LARGE1: variants seen among roughly 807,000 people sequenced by gnomAD.
LARGE1 encodes the protein LARGE xylosyl- and glucuronyltransferase 1.
Under a neutral mutation model 87.6 loss-of-function variants are expected in LARGE1, and 43 were observed. The observed-to-expected ratio is 0.49, with a 90% CI of 0.38 to 0.63. The LOEUF is 0.63. Ranked by LOEUF, LARGE1 falls within the 30% of genes least tolerant of loss-of-function variation. The probability of loss-of-function intolerance (pLI) is 0.00; values close to 1 mark genes in which losing one functional copy is unlikely to be tolerated. For synonymous variants in LARGE1, 434 were observed against 394.6 expected, an observed-to-expected ratio of 1.10 and a Z score of -1.18; for missense variants, 802 against 1,000.2, an observed-to-expected ratio of 0.80 and a Z score of 2.67.
intron 1 of LARGE1, among the ~76,000 whole-genome samples, chr22:33,847,209 G>A (rs769655997): frequency 4.6e-5 from 7 of 152,104 alleles, no homozygotes; most frequent in South Asian, 4.1e-4. Flanking sequence ...CGTGACTATC[G>A]GGGCAGGTTC....
exon 12 of LARGE1, chr22:33,162,611 A>T (rs976438158): frequency 2.6e-5 from 4 of 152,206 alleles, no homozygotes; most frequent in Non-Finnish European, 5.9e-5. Context: ...TTTGCTGGCA[A>T]GGAAGTTACT....
rs1390366479 is a variant in LARGE1, at chr22:33,479,947, G to C, written c.788-47682C>G. 2.6e-5 allele frequency among the ~76,000 whole-genome samples: 4 copies of C among 152,126 alleles called. No homozygotes were observed. In the East Asian group the frequency reaches 7.7e-4, roughly 29 times the overall value. On this transcript the variant is annotated intron_variant, in intron 6 of 14. Coordinates refer to ENST00000397394, the MANE Select transcript of LARGE1 (RefSeq NM_133642.5). ...TTTGGTAGAGATGGGGTTTCACCAT[G>C]TTGGCCAGGCTGGTCTCGAACTCCT... is the stretch of plus-strand genomic sequence containing the variant.
chr22:33,448,648 C>T (rs1174083796), intron 6 of LARGE1, among the ~76,000 whole-genome samples: 1 of 152,148 alleles, frequency 6.6e-6, no homozygotes, highest in African/African-American at 2.4e-5. Context: ...CCCCTCACAC[C>T]TGCTCTTCCC....
intron 9 of LARGE1, among the ~76,000 whole-genome samples, chr22:33,368,139 C>A (rs1486224927): frequency 6.6e-6 from 1 of 152,152 alleles, no homozygotes; most frequent in Non-Finnish European, 1.5e-5. Context: ...TCATTAGGTA[C>A]AAGGTTCCTT....
intron 1 of LARGE1, among the ~76,000 whole-genome samples, chr22:33,919,628 A>G (rs2065885814): frequency 6.6e-6 from 1 of 152,236 alleles, no homozygotes; most frequent in Non-Finnish European, 1.5e-5. Flanking sequence ...ACCGCCCAAC[A>G]GGGCCCTCTC....
intron 2 of LARGE1, among the ~76,000 whole-genome samples, chr22:33,759,869 C>G (rs1601547596): frequency 6.6e-6 from 1 of 152,272 alleles, no homozygotes; most frequent in African/African-American, 2.4e-5. Context: ...ATAATTGGCT[C>G]TATCTACCTG....
chr22:33,650,649 C>T lies in LARGE1; in HGVS notation c.126G>A (p.Leu42=), dbSNP rs749803496. 1 of 1,601,494 alleles carries T rather than the reference C, an allele frequency of 6.2e-7. No individual in the cohort carries two copies. The highest frequency in any genetic ancestry group is 8.5e-7 in the Non-Finnish European group (1 of 1,179,956). The change falls in exon 3 of 15, where the codon CTG becomes CTA. Residue 42 remains leucine (L), a synonymous_variant. Coordinates refer to ENST00000397394, the MANE Select transcript of LARGE1 (RefSeq NM_133642.5). ...TGTGTGCCTGGGACTCCAGCGGTGACAGAGACACGGGCTTTCCATCTGGGG... is the reference window on the plus strand; with the variant it reads ...TGTGTGCCTGGGACTCCAGCGGTGATAGAGACACGGGCTTTCCATCTGGGG... ...GSFEDGKPVS[L]SPLESQAHSP...
chr22:33,848,634 C>T (rs528389592), intron 1 of LARGE1, among the ~76,000 whole-genome samples: 1 of 152,316 alleles, frequency 6.6e-6, no homozygotes, highest in South Asian at 2.1e-4. Flanking sequence ...CACTGCCAGA[C>T]ACTGGGCCCA....
At chr22:33,576,855 T>A (rs954435732) in intron 5 of LARGE1, among the ~76,000 whole-genome samples, 9 of 152,182 alleles carry the variant, frequency 5.9e-5, no homozygotes, top group Non-Finnish European at 1.2e-4. Flanking sequence ...ATGGCTGTTA[T>A]ACAGTATTGT....
chr22:33,871,047 G>A (rs976942340), intron 1 of LARGE1, among the ~76,000 whole-genome samples: 1 of 152,200 alleles, frequency 6.6e-6, no homozygotes, highest in Non-Finnish European at 1.5e-5. Context: ...TGGTGACACA[G>A]CCCACATCCC....
Position 33,337,676 on chromosome 22 carries a change from G to A in LARGE1, c.1257C>T (p.Cys419=). 6.2e-7 allele frequency: 1 copy of A among 1,614,084 alleles called. No individual in the cohort carries two copies. Among genetic ancestry groups the A allele is most frequent in the South Asian group, 1.1e-5 (1 of 91,070 alleles). ...GNLLRRELFG[C]PSEADVNSEN... is the part of the protein sequence containing the mutation. ...CACTGTTGACATCAGCCTCACTGGG[G>A]CAGCCAAACAGTTCCCGCCTCAGAA... The change falls in exon 10 of 15, where the codon TGC becomes TGT. Residue 419 remains cysteine, a synonymous_variant. Coordinates refer to ENST00000397394, the MANE Select transcript of LARGE1 (RefSeq NM_133642.5).
chr22:33,802,348 T>A (rs1382229045), intron 1 of LARGE1, among the ~76,000 whole-genome samples: 1 of 152,186 alleles, frequency 6.6e-6, no homozygotes. Context: ...CCCTGCTGAA[T>A]GTTCCAGACT....
At chr22:33,506,177 G>A (rs368938516) in intron 6 of LARGE1, among the ~76,000 whole-genome samples, 28 of 152,050 alleles carry the variant, frequency 1.8e-4, no homozygotes, top group African/African-American at 6.3e-4. Flanking sequence ...AGGATGCCCT[G>A]AACATAGTAT....
chr22:33,845,213 A>C (rs2063394805), intron 1 of LARGE1, among the ~76,000 whole-genome samples: 1 of 152,224 alleles, frequency 6.6e-6, no homozygotes, highest in Non-Finnish European at 1.5e-5. Context: ...CTAGAAGTTC[A>C]TGGAATGATA....
intron 4 of LARGE1, among the ~76,000 whole-genome samples, chr22:33,609,302 C>T (rs78781723): frequency 0.011 from 1,739 of 152,286 alleles, 17 homozygotes; most frequent in South Asian, 0.027. Flanking sequence ...TTGGGAATGG[C>T]CCACTTCCCA....
At chr22:33,423,638 C>G (rs913400090) in intron 7 of LARGE1, among the ~76,000 whole-genome samples, 36 of 149,852 alleles carry the variant, frequency 2.4e-4, no homozygotes, top group African/African-American at 8.4e-4. Context: ...AGAGATTGCA[C>G]CACTGCCCTC....
intron 1 of LARGE1, among the ~76,000 whole-genome samples, chr22:33,858,954 C>T (rs1248239956): frequency 6.6e-6 from 1 of 151,894 alleles, no homozygotes; most frequent in African/African-American, 2.4e-5. Context: ...GAAAACCAAA[C>T]ACCGCATCTT....
intron 2 of LARGE1, among the ~76,000 whole-genome samples, chr22:33,651,223 T>TAAAAAAAAAAAAAAAAAAAAAAAAA (rs1371688457): frequency 5.8e-5 from 1 of 17,146 alleles, no homozygotes; most frequent in Non-Finnish European, 1.1e-4. Flanking sequence ...CTACTAAAAA[T>TAAAAAAAAAAAAAAAAAAAAAAAAA]ACAAAAAAAA....
At chr22:33,597,501 T>C (rs997874841) in intron 5 of LARGE1, among the ~76,000 whole-genome samples, 6 of 152,052 alleles carry the variant, frequency 3.9e-5, no homozygotes, top group Non-Finnish European at 8.8e-5. Flanking sequence ...AAGATTACAG[T>C]TCTCTAAAGA....
Sources: allele counts gnomAD v4.1 joint callset (sites outside exome capture counted in the v4.1 genomes callset), GRCh38; gene constraint gnomAD v4.1.1; transcripts MANE v1.5; gene names NCBI Gene and HGNC (gene_info 2026-07-23, HGNC 2026-07-21).